RANBP17: variants seen among roughly 807,000 people sequenced by gnomAD.
RANBP17 encodes ran-binding protein 17.
RANBP17 carries 158 observed loss-of-function variants against 141.2 expected under a neutral mutation model. The observed-to-expected ratio is 1.12, with a 90% CI of 0.98 to 1.28. The LOEUF is 1.28. RANBP17 is among the 50% of genes most tolerant of loss of function. The pLI, the probability that RANBP17 is intolerant of heterozygous loss-of-function variation, is 0.00. For synonymous variants in RANBP17, 430 were observed against 450.0 expected (o/e 0.96, Z 0.56); for missense variants, 1,438 against 1,290.7 (o/e 1.11, Z -1.75).
chr5:170,954,511 TACAC>T (rs71787034), intron 13 of RANBP17, among the ~76,000 whole-genome samples: 4,819 of 125,662 alleles, frequency 0.038, 273 homozygotes, highest in African/African-American at 0.13. Context: ...TGGTATATTT[TACAC>T]ACACACACAC....
At chr5:171,050,796 C>T (rs562880941) in intron 14 of RANBP17, among the ~76,000 whole-genome samples, 8 of 152,254 alleles carry the variant, frequency 5.3e-5, no homozygotes, top group African/African-American at 1.9e-4. Context: ...ACATACTTTC[C>T]CTTTTGTCTG....
chr5:171,221,808 T>C lies in RANBP17; in HGVS notation c.2390T>C (p.Phe797Ser), dbSNP rs1427312503. ...TCATCTCCTAATGGAATTCTTCTCT[T>C]CAGAGAAGCTAGTAAAATGGTTTGC... Reference protein sequence around the residue: ...DVSSPNGILLFREASKMVCTY... With the variant: ...DVSSPNGILLSREASKMVCTY... Residue 797 changes from phenylalanine (F) to serine (S), a missense_variant, in exon 22 of 28, where the codon TTC becomes TCC. Phe to Ser is a radical substitution (Grantham distance 155, BLOSUM62 -2). Transcript: ENST00000523189. 1.2e-6 allele frequency: 2 copies of C among 1,609,244 alleles called. No homozygotes were observed. The highest frequency in any genetic ancestry group is 4.5e-5 in the East Asian group (2 of 44,782).
rs910853678 is a variant in RANBP17, at chr5:171,223,409, G to A, written c.2422+1569G>A. On this transcript the variant is annotated intron_variant, in intron 22 of 27. Transcript: ENST00000523189. Reference sequence around the variant, plus strand: ...AGCACTTTGGGAGGCCAGGGCGGGCGGATCACTTGAGGCCAGGAGTTCGAG... The same window carrying A: ...AGCACTTTGGGAGGCCAGGGCGGGCAGATCACTTGAGGCCAGGAGTTCGAG... Among the ~76,000 whole-genome samples, 28 of 152,142 alleles carry A rather than the reference G, an allele frequency of 1.8e-4. 1 individual carries two copies. The highest frequency in any genetic ancestry group is 1.4e-3 in the Admixed American group (22 of 15,278).
chr5:170,974,227 T>C (rs1458053168), intron 14 of RANBP17, among the ~76,000 whole-genome samples: 1 of 152,200 alleles, frequency 6.6e-6, no homozygotes, highest in Admixed American at 6.5e-5. Context: ...GCTGTCAGCC[T>C]GTTAAATCAG....
chr5:171,220,730 G>A (rs1763506897), intron 21 of RANBP17, among the ~76,000 whole-genome samples: 1 of 152,038 alleles, frequency 6.6e-6, no homozygotes, highest in Admixed American at 6.6e-5. Flanking sequence ...TTACAAACAT[G>A]AGCCACCGCG....
chr5:170,922,727 G>C (rs933798904), intron 11 of RANBP17, among the ~76,000 whole-genome samples: 1 of 152,090 alleles, frequency 6.6e-6, no homozygotes, highest in Non-Finnish European at 1.5e-5. Flanking sequence ...AGTCTGTCAC[G>C]GCTTCCCTTG....
At chr5:170,976,158 A>G (rs1225035676) in intron 14 of RANBP17, among the ~76,000 whole-genome samples, 3 of 152,322 alleles carry the variant, frequency 2.0e-5, no homozygotes, top group African/African-American at 7.2e-5. Context: ...TTGCAGGATT[A>G]TAAGATTAAT....
chr5:171,191,541 G>A (rs978618817), intron 18 of RANBP17, among the ~76,000 whole-genome samples: 2 of 152,106 alleles, frequency 1.3e-5, no homozygotes, highest in African/African-American at 4.8e-5. Flanking sequence ...CAAAAAATTA[G>A]CCAGGCGTCA....
chr5:171,137,477 G>T (rs1411158687), intron 14 of RANBP17, among the ~76,000 whole-genome samples: 3 of 151,980 alleles, frequency 2.0e-5, no homozygotes, highest in Non-Finnish European at 2.9e-5. Context: ...GTCATTGAAA[G>T]TATTGCCTCA....
chr5:171,020,392 G>C (rs1363925366), intron 14 of RANBP17, among the ~76,000 whole-genome samples: 1 of 152,140 alleles, frequency 6.6e-6, no homozygotes, highest in Non-Finnish European at 1.5e-5. Context: ...TTATTATTGT[G>C]TGGGAGTCTA....
intron 14 of RANBP17, among the ~76,000 whole-genome samples, chr5:171,134,316 A>G (rs776044618): frequency 6.6e-6 from 1 of 152,226 alleles, no homozygotes. Context: ...ATTTTAGAAG[A>G]TACAATATTT....
chr5:171,198,699 G>A (rs1310637228), intron 18 of RANBP17, among the ~76,000 whole-genome samples: 3 of 152,146 alleles, frequency 2.0e-5, no homozygotes, highest in Admixed American at 2.0e-4. Context: ...CAAACTTTGA[G>A]GACCTTCTCT....
rs182178816 is a variant in RANBP17 at position 171,090,769 on chromosome 5, A to G, written c.1711-79361A>G. On this transcript the variant is annotated intron_variant, in intron 14 of 27. Transcript: ENST00000523189. Reference sequence around the variant, plus strand: ...CTGTGATTAAAAGGGCCCAAGGTACAGCCCGGGCTGTTGCTTCAGAGGGTG... The same window carrying G: ...CTGTGATTAAAAGGGCCCAAGGTACGGCCCGGGCTGTTGCTTCAGAGGGTG... Among the ~76,000 whole-genome samples, 1,142 of 152,314 alleles carry G rather than the reference A, an allele frequency of 7.5e-3. 13 individuals carry two copies. Among genetic ancestry groups the G allele is most frequent in the African/African-American group, 0.026 (1,081 of 41,570 alleles).
chr5:171,137,996 A>G (rs1469766710), intron 14 of RANBP17, among the ~76,000 whole-genome samples: 1 of 151,576 alleles, frequency 6.6e-6, no homozygotes, highest in Admixed American at 6.6e-5. Context: ...CACTTTGTAA[A>G]TAAGTAGAAT....
chr5:170,987,124 C>T (rs1778197054), intron 14 of RANBP17, among the ~76,000 whole-genome samples: 1 of 151,642 alleles, frequency 6.6e-6, no homozygotes, highest in South Asian at 2.1e-4. Context: ...AGCTTTAATA[C>T]CTTTTAAACA....
At chr5:170,943,792 T>C (rs1774531787) in intron 12 of RANBP17, among the ~76,000 whole-genome samples, 1 of 152,192 alleles carries the variant, frequency 6.6e-6, no homozygotes, top group South Asian at 2.1e-4. Flanking sequence ...CGGCATGATG[T>C]TTTGATAAAT....
At chr5:171,132,009 T>C (rs1756955460) in intron 14 of RANBP17, among the ~76,000 whole-genome samples, 1 of 152,208 alleles carries the variant, frequency 6.6e-6, no homozygotes, top group Non-Finnish European at 1.5e-5. Context: ...ATCCAGATGA[T>C]AAACACATGT....
At chr5:171,263,145 G>T (rs1426110291) in intron 24 of RANBP17, among the ~76,000 whole-genome samples, 1 of 152,036 alleles carries the variant, frequency 6.6e-6, no homozygotes, top group Non-Finnish European at 1.5e-5. Context: ...TCTACGTCAG[G>T]CATACATATG....
At chr5:170,962,633 T>C (rs1776236786) in intron 13 of RANBP17, among the ~76,000 whole-genome samples, 1 of 152,178 alleles carries the variant, frequency 6.6e-6, no homozygotes, top group Non-Finnish European at 1.5e-5. Context: ...GTACACAGAT[T>C]TTAAAATTTA....
Sources: gnomAD v4.1 joint callset for allele counts (sites outside exome capture counted in the v4.1 genomes callset) on GRCh38, gnomAD v4.1.1 for gene constraint, MANE v1.5 for transcripts, NCBI Gene and HGNC (gene_info 2026-07-23, HGNC 2026-07-21) for gene names.